NSD3: variants seen among roughly 807,000 people sequenced by gnomAD.
The protein encoded by NSD3 is histone-lysine N-methyltransferase NSD3.
NSD3 carries 24 observed loss-of-function variants against 160.8 expected under a neutral mutation model. That is an observed-to-expected ratio of 0.15 (90% confidence interval 0.11 to 0.21). NSD3 has a LOEUF of 0.21. NSD3 is among the 10% of genes least tolerant of loss of function. NSD3 has a pLI of 1.00. For synonymous variants in NSD3, 520 were observed against 600.0 expected, an observed-to-expected ratio of 0.87 and a Z score of 1.95; for missense variants, 1,157 against 1,735.9, an observed-to-expected ratio of 0.67 and a Z score of 5.93.
chr8:38,300,663 C>T (rs1314311093), intron 14 of NSD3, among the ~76,000 whole-genome samples: 2 of 152,186 alleles, frequency 1.3e-5, no homozygotes, highest in Admixed American at 1.3e-4. Context: ...TCTTCTTTCC[C>T]TTACCCCTCC....
chr8:38,318,348 G>T lies in NSD3; in HGVS notation c.1855+547C>A, dbSNP rs1268021184. Among the ~76,000 whole-genome samples, 1 of 152,162 alleles carries T rather than the reference G, an allele frequency of 6.6e-6. No individual in the cohort carries two copies. Among genetic ancestry groups the T allele is most frequent in the African/African-American group, 2.4e-5 (1 of 41,436 alleles). ...AGTCAAATTGCACACAGAAAATACA[G>T]ATATAAGTTTAAGCTTTCTTAAACT... On this transcript the variant is annotated intron_variant, in intron 9 of 23. Transcript: ENST00000317025. This position sits in a 1 kb window ranked among gnomAD's most constrained non-coding sequence, Gnocchi z 5.3.
Position 38,317,659 on chromosome 8 carries a change from C to CA in NSD3, c.1855+1235dup. 2.5e-6 allele frequency: 3 copies of CA among 1,205,132 alleles called. No individual in the cohort carries two copies. Among genetic ancestry groups the CA allele is most frequent in the African/African-American group, 1.6e-5 (1 of 64,214 alleles). The allele number at this position is 1,205,132 out of a possible 1,614,324, so 74.7% of individuals were successfully genotyped here. On this transcript the variant is annotated intron_variant, in intron 9 of 23. Transcript: ENST00000317025. This position sits in a 1 kb window ranked among gnomAD's most constrained non-coding sequence, Gnocchi z 5.3. Reference sequence around the variant, plus strand: ...GCATTAATGATGCTTTATTTAAAAACAAAAAACCAAAAACAGTCCATGTTG... The same window carrying CA: ...GCATTAATGATGCTTTATTTAAAAACAAAAAAACCAAAAACAGTCCATGTTG...
rs1585891465 is a variant in NSD3 at position 38,329,300 on chromosome 8, A to G, written c.1581+78T>C. On this transcript the variant is annotated intron_variant, in intron 6 of 23. Coordinates refer to ENST00000317025, the MANE Select transcript of NSD3 (RefSeq NM_023034.2). This position sits in a 1 kb window ranked among gnomAD's most constrained non-coding sequence, Gnocchi z 4.8. ...TAGAAAGGGTATTTAAATTATGCCA[A>G]GGTCATTGTTTTAAATGCCAAGGTT... The G allele has an allele frequency of 6.7e-7, 1 of 1,482,308 alleles. No homozygotes were observed. Among genetic ancestry groups the G allele is most frequent in the Admixed American group, 2.1e-5 (1 of 47,488 alleles). 91.8% of individuals were successfully genotyped at this position (1,482,308 alleles called of 1,614,324 possible).
intron 2 of NSD3, among the ~76,000 whole-genome samples, chr8:38,340,486 C>T (rs369125124): frequency 1.8e-4 from 27 of 152,052 alleles, no homozygotes; most frequent in East Asian, 5.8e-4. Flanking sequence ...TACAGGCCCG[C>T]ACCACCACAC....
At chr8:38,323,144 TC>T (rs1386204409) in intron 7 of NSD3, among the ~76,000 whole-genome samples, 11 of 152,134 alleles carry the variant, frequency 7.2e-5, no homozygotes, top group African/African-American at 2.7e-4. Context: ...AACCTCCGCC[TC>T]CAGGGTTCAA....
At chr8:38,327,161 G>C (rs1809934184) in intron 6 of NSD3, among the ~76,000 whole-genome samples, 1 of 150,964 alleles carries the variant, frequency 6.6e-6, no homozygotes. Flanking sequence ...TGATTCTCCT[G>C]CCTCAGCCTC....
At chr8:38,338,395 C>T (rs777795600) in intron 3 of NSD3, 141 bp downstream of exon 3, 4 of 626,022 alleles carry the variant, frequency 6.4e-6, no homozygotes, top group Non-Finnish European at 1.1e-5. Flanking sequence ...ATCCACCTAT[C>T]AAACCAGCTC....
chr8:38,364,862 T>C (rs1585926995), intron 1 of NSD3, among the ~76,000 whole-genome samples: 2 of 152,324 alleles, frequency 1.3e-5, no homozygotes, highest in East Asian at 3.9e-4. Context: ...ACAATTTTTC[T>C]AAAGAGTAAT....
intron 5 of NSD3, 100 bp downstream of exon 5, chr8:38,331,331 G>C (rs935903920): frequency 1.8e-5 from 24 of 1,323,454 alleles, no homozygotes; most frequent in Middle Eastern, 2.7e-4. Context: ...TTTAAAAAAA[G>C]GATTCTAATA....
At chr8:38,294,075 TTTAA>T (rs781587775) in intron 16 of NSD3, among the ~76,000 whole-genome samples, 9 of 152,028 alleles carry the variant, frequency 5.9e-5, no homozygotes, top group Non-Finnish European at 1.2e-4. Flanking sequence ...AGTTTTTTAG[TTTAA>T]TTGTGTTTTT....
chr8:38,364,521 G>A (rs978144441), intron 1 of NSD3, among the ~76,000 whole-genome samples: 5 of 152,090 alleles, frequency 3.3e-5, no homozygotes, highest in Admixed American at 1.3e-4. Context: ...TCTATACTCT[G>A]GAGTTTACTC....
intron 1 of NSD3, among the ~76,000 whole-genome samples, chr8:38,360,156 T>C (rs1810925341): frequency 6.6e-6 from 1 of 152,078 alleles, no homozygotes; most frequent in African/African-American, 2.4e-5. Flanking sequence ...CCACCATGCC[T>C]GGCTAATTTT....
intron 1 of NSD3, among the ~76,000 whole-genome samples, chr8:38,367,793 TCAAA>T (rs1204431459): frequency 2.0e-5 from 3 of 152,190 alleles, no homozygotes; most frequent in Non-Finnish European, 1.5e-5. Context: ...ATTTGTAATA[TCAAA>T]CAATTATATG....
intron 14 of NSD3, among the ~76,000 whole-genome samples, chr8:38,301,505 A>G (rs1460362979): frequency 1.3e-5 from 2 of 152,176 alleles, no homozygotes; most frequent in African/African-American, 4.8e-5. Flanking sequence ...GCTTGAACCC[A>G]GAAGGCAGAG....
At chr8:38,312,737 G>T (rs753330844) in intron 12 of NSD3, among the ~76,000 whole-genome samples, 10 of 152,118 alleles carry the variant, frequency 6.6e-5, no homozygotes, top group Non-Finnish European at 1.0e-4. Flanking sequence ...TGCCATGATT[G>T]TAAGTTTCCT....
chr8:38,375,328 T>TA (rs59024697), intron 1 of NSD3, among the ~76,000 whole-genome samples: 31,109 of 152,026 alleles, frequency 0.2, 3,519 homozygotes, highest in East Asian at 0.31. Flanking sequence ...GATCCACATC[T>TA]AAAAAAACAA....
intron 12 of NSD3, among the ~76,000 whole-genome samples, chr8:38,307,015 AGAGGCAG>A (rs1809414968): frequency 6.6e-6 from 1 of 151,380 alleles, no homozygotes; most frequent in South Asian, 2.1e-4. Context: ...CTCGGGAGGC[AGAGGCAG>A]GAGAATGGCG....
At chr8:38,308,589 C>T (rs965040268) in intron 12 of NSD3, among the ~76,000 whole-genome samples, 9 of 150,736 alleles carry the variant, frequency 6.0e-5, no homozygotes, top group East Asian at 2.0e-4. Context: ...GAGGCCGAGG[C>T]GGGAGGATCA....
At chr8:38,333,798 C>T (rs1462439356) in intron 4 of NSD3, among the ~76,000 whole-genome samples, 4 of 151,916 alleles carry the variant, frequency 2.6e-5, no homozygotes, top group Non-Finnish European at 4.4e-5. Flanking sequence ...ACCCGGGAAG[C>T]GGAGCTTGCA....
Sources: allele counts gnomAD v4.1 joint callset (sites outside exome capture counted in the v4.1 genomes callset), GRCh38; gene constraint gnomAD v4.1.1; non-coding constraint Gnocchi (gnomAD v3.1); transcripts MANE v1.5; gene names NCBI Gene and HGNC (gene_info 2026-07-23, HGNC 2026-07-21).